Variants in DISP1 observed in about 807,000 individuals in gnomAD.
The protein encoded by DISP1 is dispatched RND transporter family member 1, also known as protein dispatched homolog 1.
Under a neutral mutation model 37.3 loss-of-function variants are expected in DISP1, and 30 were observed. The observed-to-expected ratio is 0.80, with a 90% CI of 0.60 to 1.09. DISP1 has a LOEUF of 1.09. DISP1 is among the 50% of genes least tolerant of loss of function. The probability of loss-of-function intolerance (pLI) is 0.00; values close to 1 mark genes in which losing one functional copy is unlikely to be tolerated. For missense variants in DISP1, 1,598 were observed against 1,879.5 expected, an observed-to-expected ratio of 0.85 and a Z score of 2.77; for synonymous variants, 634 against 690.2, an observed-to-expected ratio of 0.92 and a Z score of 1.28.
chr1:222,931,590 GGTGGGGAT>G (rs1429376434), intron 2 of DISP1, among the ~76,000 whole-genome samples: 4 of 151,820 alleles, frequency 2.6e-5, no homozygotes, highest in South Asian at 4.2e-4. Flanking sequence ...ATTCTTATTT[GGTGGGGAT>G]GTGAGGCTAA....
At chr1:222,833,699 T>G (rs1447331823) in intron 1 of DISP1, among the ~76,000 whole-genome samples, 1 of 152,204 alleles carries the variant, frequency 6.6e-6, no homozygotes, top group Non-Finnish European at 1.5e-5. Context: ...ATTTCAGATG[T>G]TATGCACTGA....
At chr1:222,834,948 C>A (rs1666675300) in intron 1 of DISP1, among the ~76,000 whole-genome samples, 1 of 152,092 alleles carries the variant, frequency 6.6e-6, no homozygotes, top group Admixed American at 6.5e-5. Flanking sequence ...AGCAGGCATT[C>A]AGTTAATGGT....
At chr1:222,956,623 A>G (rs1011516205) in intron 3 of DISP1, among the ~76,000 whole-genome samples, 2 of 151,920 alleles carry the variant, frequency 1.3e-5, no homozygotes, top group Admixed American at 6.6e-5. Flanking sequence ...TGGGCTCCAA[A>G]TTGCATTGCT....
chr1:222,976,973 T>TG (rs1261062000), intron 3 of DISP1, among the ~76,000 whole-genome samples: 2 of 152,242 alleles, frequency 1.3e-5, no homozygotes, highest in African/African-American at 4.8e-5. Flanking sequence ...CCTTACTCTC[T>TG]GGAAAAACAC....
chr1:222,817,097 C>G (rs576696608), intron 1 of DISP1, among the ~76,000 whole-genome samples: 8 of 152,314 alleles, frequency 5.3e-5, no homozygotes, highest in African/African-American at 1.9e-4. Context: ...TTGGATTGCC[C>G]TGTATTCCGG....
intron 1 of DISP1, among the ~76,000 whole-genome samples, chr1:222,878,439 A>G (rs1196146316): frequency 1.3e-5 from 2 of 152,228 alleles, no homozygotes; most frequent in African/African-American, 4.8e-5. Flanking sequence ...TATTGGTTGT[A>G]CATACTGGAA....
At chr1:222,990,239 A>C (rs1443788794) in intron 4 of DISP1, among the ~76,000 whole-genome samples, 1 of 152,248 alleles carries the variant, frequency 6.6e-6, no homozygotes, top group African/African-American at 2.4e-5. Context: ...TGATTGGAGT[A>C]TGGATCCTCT....
rs1331533618 is a variant in DISP1, at chr1:222,942,701, C to T, written c.-17-106C>T. 6 of 1,336,522 alleles carry T rather than the reference C, an allele frequency of 4.5e-6. No homozygotes were observed. In the African/African-American group the frequency reaches 5.8e-5, roughly 13 times the overall value. The allele number at this position is 1,336,522 out of a possible 1,614,324, so 82.8% of individuals were successfully genotyped here. ...TTTCTACCACTGTCTCACAACTCTGCAAGAACCCTCATTTTCAATGAGCTG... is the reference window on the plus strand; with the variant it reads ...TTTCTACCACTGTCTCACAACTCTGTAAGAACCCTCATTTTCAATGAGCTG... On this transcript the variant is annotated intron_variant, in intron 2 of 8. Transcript: ENST00000675850.
intron 4 of DISP1, among the ~76,000 whole-genome samples, chr1:222,984,435 T>TTTATAGAG (rs1553254679): frequency 9.2e-6 from 1 of 108,398 alleles, no homozygotes; most frequent in Non-Finnish European, 1.8e-5. Flanking sequence ...TATATATATA[T>TTTATAGAG]AGAGAGAGAG....
intron 5 of DISP1, among the ~76,000 whole-genome samples, chr1:222,991,088 A>G (rs966204968): frequency 1.3e-5 from 2 of 152,216 alleles, no homozygotes; most frequent in Admixed American, 6.5e-5. Flanking sequence ...GAATTTCAGT[A>G]TTACTAACAG....
chr1:222,873,881 C>T (rs1444861625), intron 1 of DISP1, among the ~76,000 whole-genome samples: 1 of 152,142 alleles, frequency 6.6e-6, no homozygotes, highest in African/African-American at 2.4e-5. Context: ...ATGGTCTTTA[C>T]AATTTGGCAT....
intron 4 of DISP1, among the ~76,000 whole-genome samples, chr1:222,983,887 T>C (rs563670571): frequency 3.9e-5 from 6 of 152,272 alleles, no homozygotes; most frequent in Admixed American, 2.6e-4. Context: ...AAGCGTTTTC[T>C]CATCAGATGT....
At chr1:222,935,803 C>T (rs962239678) in intron 2 of DISP1, among the ~76,000 whole-genome samples, 8 of 152,192 alleles carry the variant, frequency 5.3e-5, no homozygotes, top group African/African-American at 1.9e-4. Flanking sequence ...GCAGTTCTGA[C>T]CGCCAATTCC....
intron 1 of DISP1, among the ~76,000 whole-genome samples, chr1:222,879,768 C>T (rs999364297): frequency 3.9e-5 from 6 of 152,014 alleles, no homozygotes; most frequent in African/African-American, 1.4e-4. Flanking sequence ...ACAAGACATA[C>T]ATTACTACAT....
At chr1:222,840,744 A>G (rs1160769531) in intron 1 of DISP1, among the ~76,000 whole-genome samples, 1 of 151,608 alleles carries the variant, frequency 6.6e-6, no homozygotes, top group East Asian at 1.9e-4. Context: ...TTGTATTTTT[A>G]GTAGAGATGG....
intron 1 of DISP1, among the ~76,000 whole-genome samples, chr1:222,902,586 A>G (rs2125406817): frequency 6.6e-6 from 1 of 152,284 alleles, no homozygotes; most frequent in East Asian, 1.9e-4. Context: ...AGAATCTACA[A>G]TGAACTCAAA....
chr1:222,936,590 GAGATATATATCTCTCATATATATGAGAT>G (rs1465861948), intron 2 of DISP1, among the ~76,000 whole-genome samples: 2 of 14,268 alleles, frequency 1.4e-4, no homozygotes, highest in Non-Finnish European at 2.8e-4. Context: ...ATATATATGA[GAGATATATATCTCTCATATATATGAGAT>G]ATATATATCT....
chr1:222,837,314 T>C, intron 1 of DISP1: 1 of 379,968 alleles, frequency 2.6e-6, no homozygotes, highest in Non-Finnish European at 4.7e-6. Context: ...CAGAGCTGTC[T>C]CTCCACCCTA....
At chr1:222,941,228 T>C (rs1409891241) in intron 2 of DISP1, among the ~76,000 whole-genome samples, 1 of 152,216 alleles carries the variant, frequency 6.6e-6, no homozygotes, top group Non-Finnish European at 1.5e-5. Context: ...ACTATTACTC[T>C]GTGTTGGGTA....
Sources: allele counts gnomAD v4.1 joint callset (sites outside exome capture counted in the v4.1 genomes callset), GRCh38; gene constraint gnomAD v4.1.1; transcripts MANE v1.5; gene names NCBI Gene and HGNC (gene_info 2026-07-23, HGNC 2026-07-21).